Variants in EFCAB6 observed in about 807,000 individuals in gnomAD.
EFCAB6 encodes the protein EF-hand calcium binding domain 6.
EFCAB6 carries 156 observed loss-of-function variants against 169.8 expected under a neutral mutation model. That is an observed-to-expected ratio of 0.92 (90% CI 0.81 to 1.05). EFCAB6 has a LOEUF of 1.05. EFCAB6 is among the 50% of genes least tolerant of loss of function. The pLI is 0.00. For synonymous variants in EFCAB6, 698 were observed against 676.4 expected (o/e 1.03, Z -0.50); for missense variants, 1,800 against 1,829.1 (o/e 0.98, Z 0.29).
intron 2 of EFCAB6, among the ~76,000 whole-genome samples, chr22:43,798,212 C>T (rs969974050): frequency 1.3e-5 from 2 of 152,068 alleles, no homozygotes; most frequent in African/African-American, 4.8e-5. Context: ...GGTGAAACCC[C>T]ATCTCTACTA....
chr22:43,684,988 A>G (rs2058137730), intron 11 of EFCAB6, among the ~76,000 whole-genome samples: 1 of 152,204 alleles, frequency 6.6e-6, no homozygotes, highest in Non-Finnish European at 1.5e-5. Flanking sequence ...AAAGATCAAA[A>G]TCTCTAAATT....
intron 30 of EFCAB6, 150 bp from the exon 31 acceptor site, chr22:43,531,114 G>A (rs911189201): frequency 2.0e-5 from 21 of 1,050,762 alleles, no homozygotes; most frequent in Non-Finnish European, 2.9e-5. Flanking sequence ...GAGGGAGCCT[G>A]CCAGAACTCG....
intron 23 of EFCAB6, among the ~76,000 whole-genome samples, chr22:43,594,103 C>G (rs2051789031): frequency 6.6e-6 from 1 of 151,738 alleles, no homozygotes; most frequent in Non-Finnish European, 1.5e-5. Context: ...GGGAGAAACC[C>G]CGTCTCTGCT....
chr22:43,722,455 C>CA (rs1373108085), intron 8 of EFCAB6, among the ~76,000 whole-genome samples: 3 of 150,642 alleles, frequency 2.0e-5, no homozygotes, highest in African/African-American at 7.3e-5. Context: ...CGCTTGAACC[C>CA]AAGAGGCAGA....
At chr22:43,798,072 G>C (rs2062575532) in intron 2 of EFCAB6, among the ~76,000 whole-genome samples, 1 of 152,262 alleles carries the variant, frequency 6.6e-6, no homozygotes, top group African/African-American at 2.4e-5. Context: ...TCCAGTCCTG[G>C]GTTGGGGTGG....
At chr22:43,802,782 T>C in intron 2 of EFCAB6, 8 of 506,808 alleles carry the variant, frequency 1.6e-5, no homozygotes, top group South Asian at 1.2e-4. Context: ...AAGTGAAGTG[T>C]GTGCATTTTT....
rs1055064297 is a variant in EFCAB6, at chr22:43,760,854, G to T, written c.440+4451C>A. On this transcript the variant is annotated intron_variant, in intron 5 of 31. Transcript: ENST00000262726. ...ATTTTTGTATTTTTAGTAGAGACGG[G>T]GTTTCGCCATGTTGGCCAAGCTGGT... 4.6e-5 allele frequency among the ~76,000 whole-genome samples: 7 copies of T among 152,248 alleles called. No homozygotes were observed. In the East Asian group the frequency reaches 1.4e-3, roughly 29 times the overall value.
chr22:43,689,349 G>GCGCACA (rs1556091576), intron 10 of EFCAB6, among the ~76,000 whole-genome samples: 12 of 147,072 alleles, frequency 8.2e-5, no homozygotes, highest in African/African-American at 3.1e-4. Context: ...GAGAGCACGT[G>GCGCACA]CACACACACA....
At chr22:43,661,252 C>T (rs1347012381) in intron 17 of EFCAB6, among the ~76,000 whole-genome samples, 5 of 152,162 alleles carry the variant, frequency 3.3e-5, no homozygotes, top group African/African-American at 1.2e-4. Context: ...GTGGCATGGA[C>T]CTCTAGTTCC....
intron 12 of EFCAB6, among the ~76,000 whole-genome samples, chr22:43,682,252 A>C (rs2058034513): frequency 6.6e-6 from 1 of 152,170 alleles, no homozygotes; most frequent in African/African-American, 2.4e-5. Context: ...GTGTGAGCTT[A>C]TCGGCAAGGA....
intron 2 of EFCAB6, among the ~76,000 whole-genome samples, chr22:43,794,124 G>T (rs1391634006): frequency 6.6e-6 from 1 of 152,138 alleles, no homozygotes; most frequent in Non-Finnish European, 1.5e-5. Context: ...TGCTTTAGAA[G>T]AACCTGAAGT....
chr22:43,743,665 TAACC>T lies in EFCAB6; in HGVS notation c.508-7676_508-7673del, dbSNP rs565432553. Among the ~76,000 whole-genome samples, 23 of 152,242 alleles carry T rather than the reference TAACC, an allele frequency of 1.5e-4. No homozygotes were observed. The South Asian group carries it at 3.5e-3, about 23-fold the overall frequency. On this transcript the variant is annotated intron_variant, in intron 6 of 31. Transcript: ENST00000262726. Reference sequence around the variant, plus strand: ...CAAAGGCTAAGAATAGAGATCCAAATAACCACACACCCATGTCAGGGAATATTAA... The same window carrying T: ...CAAAGGCTAAGAATAGAGATCCAAATACACACCCATGTCAGGGAATATTAA...
intron 20 of EFCAB6, among the ~76,000 whole-genome samples, chr22:43,617,461 T>C (rs1209532450): frequency 6.6e-6 from 1 of 152,246 alleles, no homozygotes; most frequent in Non-Finnish European, 1.5e-5. Context: ...TTTTCTAGAA[T>C]ATAAGGCTTG....
rs759148019 is a variant in EFCAB6, at chr22:43,711,433, C to T, written c.1031+42G>A. 57 of 1,516,826 alleles carry T rather than the reference C, an allele frequency of 3.8e-5. No homozygotes were observed. In the South Asian group the frequency reaches 5.1e-4, roughly 14 times the overall value. The allele number at this position is 1,516,826 out of a possible 1,614,324, so 94.0% of individuals were successfully genotyped here. ...AGCTGTGCCTTATTCTTACGGTTGA[C>T]GTTTGGGGAAAAAAATGTCAAGGAA... On this transcript the variant is annotated intron_variant, in intron 10 of 31. Transcript: ENST00000262726.
At chr22:43,688,182 C>T (rs1460776985) in intron 10 of EFCAB6, among the ~76,000 whole-genome samples, 1 of 152,130 alleles carries the variant, frequency 6.6e-6, no homozygotes, top group Non-Finnish European at 1.5e-5. Context: ...GGCTGTGAAC[C>T]AACAAATGCA....
At chr22:43,690,967 A>G (rs2058392093) in intron 10 of EFCAB6, among the ~76,000 whole-genome samples, 1 of 151,642 alleles carries the variant, frequency 6.6e-6, no homozygotes, top group Admixed American at 6.6e-5. Context: ...TATTATTTAA[A>G]TATTATTATT....
chr22:43,697,226 C>A (rs753553521), intron 10 of EFCAB6, among the ~76,000 whole-genome samples: 1 of 152,144 alleles, frequency 6.6e-6, no homozygotes, highest in Non-Finnish European at 1.5e-5. Context: ...CATTACCTAA[C>A]GTAAACCTTA....
At chr22:43,737,842 T>TA (rs1278275095) in intron 6 of EFCAB6, among the ~76,000 whole-genome samples, 1 of 147,766 alleles carries the variant, frequency 6.8e-6, no homozygotes, top group African/African-American at 2.5e-5. Flanking sequence ...CTCACACACA[T>TA]ATATTCTCAC....
At chr22:43,561,463 T>C (rs2049031583) in intron 26 of EFCAB6, among the ~76,000 whole-genome samples, 1 of 151,678 alleles carries the variant, frequency 6.6e-6, no homozygotes, top group Non-Finnish European at 1.5e-5. Flanking sequence ...ACCACTGTCA[T>C]TGCCTCAGAG....
Sources: allele counts gnomAD v4.1 joint callset (sites outside exome capture counted in the v4.1 genomes callset), GRCh38; gene constraint gnomAD v4.1.1; transcripts MANE v1.5; gene names NCBI Gene and HGNC (gene_info 2026-07-23, HGNC 2026-07-21).